The following PRELID3A variants were observed in gnomAD, a reference collection of about 807,000 sequenced individuals.
The protein encoded by PRELID3A is PRELI domain containing protein 3A.
Under a neutral mutation model 23.0 loss-of-function variants are expected in PRELID3A, and 27 were observed. The observed-to-expected ratio is 1.17, with a 90% confidence interval of 0.87 to 1.62. PRELID3A has a LOEUF of 1.62. Ranked by LOEUF, PRELID3A falls within the 40% of genes most tolerant of loss-of-function variation. The pLI, the probability that PRELID3A is intolerant of heterozygous loss-of-function variation, is 0.00. For synonymous variants in PRELID3A, 87 were observed against 86.4 expected (o/e 1.01, Z -0.04); for missense variants, 231 against 231.4 (o/e 1.00, Z 0.01).
In PRELID3A at chr18:12,432,219, A is replaced by G. The variant is rs1210590967; in HGVS notation, c.*1103A>G. The G allele has an allele frequency of 6.6e-6, 1 of 152,204 alleles. No individual in the cohort carries two copies. Among genetic ancestry groups the G allele is most frequent in the African/African-American group, 2.4e-5 (1 of 41,444 alleles). 9.4% of individuals were successfully genotyped at this position (152,204 alleles called of 1,614,324 possible). A position where few individuals can be genotyped will look rare whatever the true frequency, so the allele number is the denominator to read the frequency against. ...TCTTCCCTTCTTTTATTAAACACAG[A>G]TAGGTTTATGCTGGATAAACCGTTT... On this transcript the variant is annotated 3_prime_UTR_variant, in exon 7 of 7. Transcript: ENST00000440960.
At chr18:12,417,986 T>G (rs770249276) in intron 1 of PRELID3A, among the ~76,000 whole-genome samples, 1 of 152,216 alleles carries the variant, frequency 6.6e-6, no homozygotes, top group South Asian at 2.1e-4. Context: ...CCGAATGTAA[T>G]AGAACAGGTT....
intron 1 of PRELID3A, chr18:12,420,010 G>C: frequency 1.6e-6 from 1 of 616,998 alleles, no homozygotes. Flanking sequence ...GCTGAGGCAG[G>C]ATGTTCACTT....
At chr18:12,410,381 A>G (rs1404466815) in intron 1 of PRELID3A, among the ~76,000 whole-genome samples, 1 of 152,210 alleles carries the variant, frequency 6.6e-6, no homozygotes, top group African/African-American at 2.4e-5. Flanking sequence ...CTTGAAAGCA[A>G]AGGGCCGTAA....
chr18:12,426,869 G>A (rs1000413694), intron 3 of PRELID3A, among the ~76,000 whole-genome samples, 172 bp from the exon 4 acceptor site: 1 of 152,154 alleles, frequency 6.6e-6, no homozygotes, highest in African/African-American at 2.4e-5. Flanking sequence ...TTGCCAGAAG[G>A]AACAGCAAAA....
chr18:12,418,952 G>A (rs2030048107), intron 1 of PRELID3A, among the ~76,000 whole-genome samples: 1 of 152,196 alleles, frequency 6.6e-6, no homozygotes, highest in African/African-American at 2.4e-5. Flanking sequence ...ACTTTGGGAG[G>A]CCAAGGCAGG....
At chr18:12,414,312 C>T (rs1006319575) in intron 1 of PRELID3A, among the ~76,000 whole-genome samples, 1 of 152,226 alleles carries the variant, frequency 6.6e-6, no homozygotes, top group African/African-American at 2.4e-5. Context: ...CCCAAGTGCA[C>T]AGCAGTGAGG....
At chr18:12,408,917 A>G (rs1909817826) in intron 1 of PRELID3A, among the ~76,000 whole-genome samples, 1 of 152,182 alleles carries the variant, frequency 6.6e-6, no homozygotes, top group Non-Finnish European at 1.5e-5. Context: ...TAAAAAGAAG[A>G]AAAAAGTGCC....
intron 5 of PRELID3A, among the ~76,000 whole-genome samples, chr18:12,428,971 C>T (rs2030464724): frequency 6.6e-6 from 1 of 152,096 alleles, no homozygotes; most frequent in Non-Finnish European, 1.5e-5. Context: ...GGTGTTGTGC[C>T]TGGAAACAGC....
intron 1 of PRELID3A, 64 bp downstream of exon 1, chr18:12,408,071 C>G: frequency 8.2e-7 from 1 of 1,224,262 alleles, no homozygotes; most frequent in East Asian, 3.2e-5. Context: ...CCGAGCCCGG[C>G]TGGAGCGGTC....
Position 12,432,044 on chromosome 18 carries a change from TA to T in PRELID3A, c.*932del, listed in dbSNP as rs1344814601. ...AACAACATTAATTTTAAAAAATACA[TA>T]AAAGCAACCCATGCTTATGGTTAAA... On this transcript the variant is annotated 3_prime_UTR_variant, in exon 7 of 7. Coordinates refer to ENST00000440960, the MANE Select transcript of PRELID3A (RefSeq NM_001142405.2). 6.6e-6 allele frequency: 1 copy of T among 152,220 alleles called. No homozygotes were observed. The highest frequency in any genetic ancestry group is 2.4e-5 in the African/African-American group (1 of 41,454). 9.4% of individuals were successfully genotyped at this position (152,220 alleles called of 1,614,324 possible).
intron 1 of PRELID3A, among the ~76,000 whole-genome samples, chr18:12,416,802 T>TAC (rs2029972183): frequency 6.6e-6 from 1 of 151,884 alleles, no homozygotes; most frequent in African/African-American, 2.4e-5. Context: ...CCTGCCACCG[T>TAC]GCCCGGCTAA....
rs963098206 is a variant in PRELID3A at position 12,407,992 on chromosome 18, C to G, written c.17C>G (p.Ser6Trp). The G allele has an allele frequency of 2.3e-6, 3 of 1,299,136 alleles. No homozygotes were observed. Among genetic ancestry groups the G allele is most frequent in the Non-Finnish European group, 2.9e-6 (3 of 1,024,794 alleles). 80.5% of individuals were successfully genotyped at this position (1,299,136 alleles called of 1,614,324 possible). The change falls in exon 1 of 7, where the codon TCG becomes TGG. Residue 6 changes from serine to tryptophan, a missense_variant. Physicochemically the swap from Ser to Trp is radical, Grantham distance 177. Transcript: ENST00000440960. The stretch of plus-strand genomic sequence containing the variant: ...CCGGCGGCAATGAAGATCTGGAGCT[C>G]GGAGCACGTGTTTGGGTGAGGCCGG... MKIWSSEHVFGHPWDT... is the reference protein window; with the variant it reads MKIWSWEHVFGHPWDT...
At chr18:12,411,814 A>T (rs972901305) in intron 1 of PRELID3A, among the ~76,000 whole-genome samples, 1 of 151,966 alleles carries the variant, frequency 6.6e-6, no homozygotes, top group Non-Finnish European at 1.5e-5. Flanking sequence ...AGCCGTGAGG[A>T]TCAGTTTGGT....
intron 1 of PRELID3A, chr18:12,420,061 C>T (rs1328062311): frequency 6.9e-5 from 87 of 1,267,102 alleles, no homozygotes; most frequent in Non-Finnish European, 8.6e-5. Context: ...CTGATGGCAC[C>T]ACTGCATTCC....
At chr18:12,416,243 C>T (rs1275102214) in intron 1 of PRELID3A, among the ~76,000 whole-genome samples, 2 of 152,164 alleles carry the variant, frequency 1.3e-5, no homozygotes, top group Non-Finnish European at 2.9e-5. Context: ...TATTGCCAGA[C>T]TTGTCTATTT....
chr18:12,430,355 T>C (rs1462586565), intron 6 of PRELID3A, among the ~76,000 whole-genome samples: 1 of 136,084 alleles, frequency 7.3e-6, no homozygotes. Flanking sequence ...GTGGTATGTA[T>C]ATATGTGTGT....
intron 1 of PRELID3A, among the ~76,000 whole-genome samples, chr18:12,413,257 T>C (rs986001129): frequency 1.3e-5 from 2 of 152,160 alleles, no homozygotes; most frequent in African/African-American, 2.4e-5. Flanking sequence ...CTGGGCAACA[T>C]AGTAGAATAT....
chr18:12,411,111 CAG>C (rs1026965857), intron 1 of PRELID3A, among the ~76,000 whole-genome samples: 1 of 152,078 alleles, frequency 6.6e-6, no homozygotes, highest in African/African-American at 2.4e-5. Flanking sequence ...CAGACAAAAA[CAG>C]AGAGCCCGGG....
At chr18:12,429,782 G>A (rs2030505641) in intron 6 of PRELID3A, among the ~76,000 whole-genome samples, 1 of 152,228 alleles carries the variant, frequency 6.6e-6, no homozygotes. Context: ...TCCTGACAGG[G>A]CGCTGTCCTT....
Sources: allele counts gnomAD v4.1 joint callset (sites outside exome capture counted in the v4.1 genomes callset), GRCh38; gene constraint gnomAD v4.1.1; transcripts MANE v1.5; gene names NCBI Gene and HGNC (gene_info 2026-07-23, HGNC 2026-07-21).